ANKRD36: variants seen among roughly 807,000 people sequenced by gnomAD.
ANKRD36 encodes ankyrin repeat domain-containing protein 36A.
ANKRD36 carries 179 observed loss-of-function variants against 278.1 expected under a neutral mutation model. That is an observed-to-expected ratio of 0.64 (90% CI 0.57 to 0.73). The LOEUF (loss-of-function observed/expected upper bound fraction) is 0.73. Ranked by LOEUF, ANKRD36 falls within the 30% of genes least tolerant of loss-of-function variation. ANKRD36 has a pLI of 0.00. For synonymous variants in ANKRD36, 320 were observed against 641.1 expected, an observed-to-expected ratio of 0.50 and a Z score of 7.57; for missense variants, 1,159 against 1,956.7, an observed-to-expected ratio of 0.59 and a Z score of 7.69.
chr2:97,228,200 C>T (rs1379498908), intron 67 of ANKRD36, among the ~76,000 whole-genome samples: 1 of 152,090 alleles, frequency 6.6e-6, no homozygotes, highest in Non-Finnish European at 1.5e-5. Flanking sequence ...GGAATAGTTT[C>T]AGAAGGAAGG....
intron 56 of ANKRD36, among the ~76,000 whole-genome samples, chr2:97,210,445 T>A (rs2064131446): frequency 6.6e-6 from 1 of 151,856 alleles, no homozygotes; most frequent in Admixed American, 6.6e-5. Context: ...ATTAAAAAAT[T>A]TGATTTTGGC....
intron 75 of ANKRD36, among the ~76,000 whole-genome samples, chr2:97,260,440 A>G (rs1263821225): frequency 2.1e-5 from 3 of 139,766 alleles, no homozygotes; most frequent in Non-Finnish European, 4.6e-5. Flanking sequence ...ACACACACAC[A>G]CACACGTTTT....
At chr2:97,132,387 G>A (rs1031357630) in intron 6 of ANKRD36, among the ~76,000 whole-genome samples, 3 of 150,828 alleles carry the variant, frequency 2.0e-5, no homozygotes, top group Non-Finnish European at 4.4e-5. Flanking sequence ...TCATACTATG[G>A]GATATATTTT....
chr2:97,240,965 T>C (rs1314931444), intron 68 of ANKRD36, among the ~76,000 whole-genome samples: 12 of 139,202 alleles, frequency 8.6e-5, no homozygotes, highest in Non-Finnish European at 3.0e-5. Flanking sequence ...AATTATCTTA[T>C]GCAATCACAT....
At chr2:97,136,053 T>C (rs909091488) in intron 6 of ANKRD36, among the ~76,000 whole-genome samples, 2 of 151,630 alleles carry the variant, frequency 1.3e-5, no homozygotes, top group Non-Finnish European at 2.9e-5. Context: ...GGGCTCATCA[T>C]CATAGTGATC....
At chr2:97,121,781 T>TA (rs930971967) in intron 3 of ANKRD36, among the ~76,000 whole-genome samples, 16 of 151,956 alleles carry the variant, frequency 1.1e-4, no homozygotes, top group Admixed American at 3.3e-4. Flanking sequence ...TTACCTAAAA[T>TA]AAAAAAAGTA....
Position 97,118,482 on chromosome 2 carries a change from C to G in ANKRD36, c.451C>G (p.Leu151Val), listed in dbSNP as rs1468747791. 11 of 1,600,276 alleles carry G rather than the reference C, an allele frequency of 6.9e-6. No homozygotes were observed. The highest frequency in any genetic ancestry group is 9.4e-6 in the Non-Finnish European group (11 of 1,174,924). Residue 151 changes from leucine to valine, a missense_variant, in exon 3 of 76, where the codon CTT (leucine) becomes GTT (valine). Leu to Val is a conservative substitution (Grantham distance 32). Transcript: ENST00000420699. The stretch of plus-strand genomic sequence containing the variant: ...AGATACATCCATGATAGAAAAACTT[C>G]TTTCACATGGTACAAATATTGAAGA... ...NEDTSMIEKL[L>V]SHGTNIEECS... is the part of the protein sequence containing the mutation.
At chr2:97,125,010 A>G (rs1039254124) in intron 5 of ANKRD36, among the ~76,000 whole-genome samples, 4 of 151,822 alleles carry the variant, frequency 2.6e-5, no homozygotes, top group African/African-American at 9.7e-5. Flanking sequence ...ACCATCTACT[A>G]TAGCCTGATC....
chr2:97,181,280 A>G (rs1311538070), intron 24 of ANKRD36, among the ~76,000 whole-genome samples: 1 of 151,654 alleles, frequency 6.6e-6, no homozygotes, highest in Non-Finnish European at 1.5e-5. Context: ...ATTGATTCTC[A>G]GGTGTGTGAG....
intron 38 of ANKRD36, among the ~76,000 whole-genome samples, chr2:97,194,024 TTGA>T (rs1558647590): frequency 6.6e-6 from 1 of 151,754 alleles, no homozygotes; most frequent in African/African-American, 2.4e-5. Context: ...CAAATGATAA[TTGA>T]TGATATTTTT....
Position 97,122,907 on chromosome 2 carries a change from A to G in ANKRD36, c.507A>G (p.Leu169=). 1.3e-6 allele frequency: 2 copies of G among 1,543,192 alleles called. No individual in the cohort carries two copies. The change falls in exon 4 of 76, where the codon TTA becomes TTG. Residue 169 remains leucine, a synonymous_variant. Transcript: ENST00000420699. Reference sequence around the variant, plus strand: ...TACAGTGTGAATATCAGCCACTGTTATTTGCTGTGAGTCGAAGAAAAGTGA... The same window carrying G: ...TACAGTGTGAATATCAGCCACTGTTGTTTGCTGTGAGTCGAAGAAAAGTGA... ...ECSKCEYQPL[L]FAVSRRKVKM...
intron 67 of ANKRD36, among the ~76,000 whole-genome samples, chr2:97,228,924 A>C (rs1333464942): frequency 6.6e-6 from 1 of 152,032 alleles, no homozygotes; most frequent in African/African-American, 2.4e-5. Context: ...CAGGTTGTTC[A>C]GTTTCCATGT....
intron 32 of ANKRD36, among the ~76,000 whole-genome samples, chr2:97,188,019 C>A (rs2057794254): frequency 6.6e-6 from 1 of 151,598 alleles, no homozygotes; most frequent in Admixed American, 6.6e-5. Context: ...TTACTGGAAG[C>A]AGGAAACAAT....
At chr2:97,199,775 G>C (rs1424403816) in intron 44 of ANKRD36, among the ~76,000 whole-genome samples, 26 of 151,894 alleles carry the variant, frequency 1.7e-4, no homozygotes, top group East Asian at 3.9e-4. Context: ...TGAATATTAT[G>C]TACTAGGTAT....
chr2:97,195,920 A>G (rs2059627103), intron 40 of ANKRD36, among the ~76,000 whole-genome samples: 4 of 151,956 alleles, frequency 2.6e-5, no homozygotes, highest in African/African-American at 4.8e-5. Context: ...AGGCTAATAT[A>G]TTATCCTTTG....
At chr2:97,117,730 A>G (rs1347401932) in intron 1 of ANKRD36, among the ~76,000 whole-genome samples, 1 of 152,106 alleles carries the variant, frequency 6.6e-6, no homozygotes, top group South Asian at 2.1e-4. Flanking sequence ...AATGCTGTGC[A>G]TAGATTCTTA....
intron 48 of ANKRD36, among the ~76,000 whole-genome samples, chr2:97,203,787 A>G (rs1203069062): frequency 2.6e-5 from 4 of 151,750 alleles, no homozygotes; most frequent in Non-Finnish European, 4.4e-5. Context: ...TGTCCTCATC[A>G]CTCGGCATAT....
rs183133008 is a variant in ANKRD36 at position 97,203,619 on chromosome 2, C to T, written c.2960-449C>T. On this transcript the variant is annotated intron_variant, in intron 48 of 75. Transcript: ENST00000420699. ...AATTGTCATGGTAATTGTGTGCCTT[C>T]TCAGTTATTGGGCAAGTTAAAGAGC... Among the ~76,000 whole-genome samples the T allele has an allele frequency of 2.1e-3, 314 of 151,888 alleles. 4 individuals carry two copies. The highest frequency in any genetic ancestry group is 7.4e-3 in the African/African-American group (306 of 41,468).
Position 97,215,496 on chromosome 2 carries a change from A to G in ANKRD36, c.3672A>G (p.Thr1224=), listed in dbSNP as rs917995243. The change falls in exon 62 of 76, where the codon ACA becomes ACG. Residue 1224 remains threonine (T), a splice_region_variant and synonymous_variant. Transcript: ENST00000420699. ...TAAAGGATGGACAAATACGTGGGAC[A>G]GGTATTTTGGAATACACCTTTAATG... The part of the protein sequence containing the change: ...TEIKDGQIRG[T]VSPQKQSAQK... 9.5e-6 allele frequency: 15 copies of G among 1,580,338 alleles called. No individual in the cohort carries two copies. In the Middle Eastern group the frequency reaches 5.0e-4, roughly 52 times the overall value.
Sources: allele counts gnomAD v4.1 joint callset (sites outside exome capture counted in the v4.1 genomes callset), GRCh38; gene constraint gnomAD v4.1.1; transcripts MANE v1.5; gene names NCBI Gene and HGNC (gene_info 2026-07-23, HGNC 2026-07-21).